Variants in HIVEP3 observed in about 807,000 individuals in gnomAD.
HIVEP3 encodes HIVEP zinc finger 3.
HIVEP3 carries 49 observed loss-of-function variants against 152.8 expected under a neutral mutation model. The observed-to-expected ratio is 0.32, with a 90% CI of 0.26 to 0.41. The LOEUF (loss-of-function observed/expected upper bound fraction) is 0.41, where lower values mean the gene tolerates loss of function less well. Among genes scored for constraint, HIVEP3 ranks in the 10% least tolerant of loss-of-function variants. The pLI, the probability that HIVEP3 is intolerant of heterozygous loss-of-function variation, is 1.00. For synonymous variants in HIVEP3, 1,269 were observed against 1,289.0 expected (o/e 0.98, Z 0.33); for missense variants, 2,790 against 3,103.3 (o/e 0.90, Z 2.40).
intron 5 of HIVEP3, among the ~76,000 whole-genome samples, chr1:41,530,429 T>C (rs1643211657): frequency 6.6e-6 from 1 of 152,222 alleles, no homozygotes; most frequent in African/African-American, 2.4e-5. Flanking sequence ...TGGATCTTAA[T>C]TCCCATGTCC....
chr1:41,526,685 A>T (rs565868994), intron 5 of HIVEP3, among the ~76,000 whole-genome samples: 2 of 24,034 alleles, frequency 8.3e-5, no homozygotes, highest in South Asian at 1.4e-3. Context: ...TCGCACCCCC[A>T]CACTCACCCT....
intron 5 of HIVEP3, among the ~76,000 whole-genome samples, chr1:41,550,763 A>G (rs2149080964): frequency 6.6e-6 from 1 of 152,356 alleles, no homozygotes; most frequent in African/African-American, 2.4e-5. Context: ...TATCAGCTTA[A>G]GGAGATTTTG....
intron 2 of HIVEP3, among the ~76,000 whole-genome samples, chr1:41,634,413 G>A (rs190965805): frequency 5.7e-4 from 86 of 151,506 alleles, no homozygotes; most frequent in African/African-American, 2.0e-3. Flanking sequence ...AGAGGGGAAG[G>A]GAGAAACAAA....
chr1:42,027,666 C>T (rs1645589444), intron 1 of HIVEP3, among the ~76,000 whole-genome samples: 1 of 152,184 alleles, frequency 6.6e-6, no homozygotes, highest in South Asian at 2.1e-4. Flanking sequence ...CCGATAAAGA[C>T]ATACCCGAAA....
At position 41,654,505 on chromosome 1, in the gene HIVEP3, A is replaced by G. The variant is rs571908230; in HGVS notation, c.-720-25558T>C. ...TTTGGAATAGTTTTAGATTGACAGA[A>G]AAGTTGCAAAGATAGAACAGAGACC... On this transcript the variant is annotated intron_variant, in intron 2 of 8. Coordinates refer to ENST00000372583, the MANE Select transcript of HIVEP3 (RefSeq NM_024503.5). Among the ~76,000 whole-genome samples, 4 of 152,330 alleles carry G rather than the reference A, an allele frequency of 2.6e-5. No individual in the cohort carries two copies. The South Asian group carries it at 8.3e-4, about 32-fold the overall frequency.
Position 41,583,674 on chromosome 1 carries a change from A to G in HIVEP3, c.1124T>C (p.Ile375Thr). The stretch of plus-strand genomic sequence containing the variant: ...TGGGCTCAGAAACGCCTGCTCATCG[A>G]TCACCTTCTTCCTCTCGCTTAAGCG... Reference protein sequence around the residue: ...ALRLSERKKVIDEQAFLSPGS... With the variant: ...ALRLSERKKVTDEQAFLSPGS... The change falls in exon 4 of 9, where the codon ATC (isoleucine) becomes ACC (threonine). Residue 375 changes from isoleucine (I) to threonine (T), a missense_variant. Physicochemically the swap from Ile to Thr is moderately conservative, Grantham distance 89 (BLOSUM62 -1). Around this residue, in one of 9 missense-constraint regions of HIVEP3, gnomAD observed 134 missense variants for 242.5 expected, o/e 0.55. Coordinates refer to ENST00000372583, the MANE Select transcript of HIVEP3 (RefSeq NM_024503.5). This position sits in a 1 kb window ranked among gnomAD's most constrained non-coding sequence, Gnocchi z 6.9. The G allele has an allele frequency of 6.2e-7, 1 of 1,613,992 alleles. No individual in the cohort carries two copies. Among genetic ancestry groups the G allele is most frequent in the Non-Finnish European group, 8.5e-7 (1 of 1,179,978 alleles).
At chr1:41,948,410 T>C (rs1409259291) in intron 1 of HIVEP3, among the ~76,000 whole-genome samples, 1 of 152,048 alleles carries the variant, frequency 6.6e-6, no homozygotes, top group Non-Finnish European at 1.5e-5. Context: ...CTATCAAACA[T>C]CAGGAAGCCA....
intron 1 of HIVEP3, among the ~76,000 whole-genome samples, chr1:41,853,378 T>A (rs1219467238): frequency 6.6e-6 from 1 of 152,094 alleles, no homozygotes; most frequent in Non-Finnish European, 1.5e-5. Context: ...TTTACAATCA[T>A]GGTGAAAGGT....
chr1:41,554,883 C>A (rs1206079793), intron 5 of HIVEP3, among the ~76,000 whole-genome samples: 1 of 152,180 alleles, frequency 6.6e-6, no homozygotes, highest in East Asian at 1.9e-4. Flanking sequence ...CAGAGGGACA[C>A]CCGCCTGTAT....
At chr1:41,629,112 A>G (rs959573230) in intron 2 of HIVEP3, among the ~76,000 whole-genome samples, 165 bp from the exon 3 acceptor site, 5 of 152,096 alleles carry the variant, frequency 3.3e-5, no homozygotes, top group African/African-American at 1.2e-4. Flanking sequence ...TTTGCATCCA[A>G]CACTTAACTT....
At chr1:41,981,812 A>G (rs1645295662) in intron 1 of HIVEP3, among the ~76,000 whole-genome samples, 1 of 152,200 alleles carries the variant, frequency 6.6e-6, no homozygotes. Flanking sequence ...GGAAAATGTG[A>G]AAGACAATAT....
intron 1 of HIVEP3, among the ~76,000 whole-genome samples, chr1:41,990,646 C>T (rs1401155258): frequency 6.0e-5 from 9 of 150,988 alleles, no homozygotes; most frequent in Admixed American, 3.3e-4. Flanking sequence ...CTGCACCAAG[C>T]GGACCTAATA....
At chr1:41,693,501 G>T (rs1193143220) in intron 2 of HIVEP3, among the ~76,000 whole-genome samples, 2 of 152,082 alleles carry the variant, frequency 1.3e-5, no homozygotes, top group African/African-American at 4.8e-5. Context: ...TTTTCCGCTG[G>T]CAATTTGTCT....
intron 1 of HIVEP3, among the ~76,000 whole-genome samples, chr1:41,838,331 AACC>A (rs1643187814): frequency 6.6e-6 from 1 of 152,024 alleles, no homozygotes; most frequent in African/African-American, 2.4e-5. Context: ...GTGCTTTTAT[AACC>A]ACTCCCATCC....
At chr1:41,729,478 G>T (rs1392559147) in intron 1 of HIVEP3, among the ~76,000 whole-genome samples, 6 of 152,212 alleles carry the variant, frequency 3.9e-5, no homozygotes, top group African/African-American at 1.4e-4. Flanking sequence ...GTTTCCCAGG[G>T]TTCCCAAACT....
intron 1 of HIVEP3, among the ~76,000 whole-genome samples, chr1:41,713,157 A>G (rs1646540447): frequency 6.6e-6 from 1 of 152,194 alleles, no homozygotes; most frequent in South Asian, 2.1e-4. Context: ...CAGGCTTGGT[A>G]GGCACGGACA....
intron 1 of HIVEP3, among the ~76,000 whole-genome samples, chr1:41,811,194 T>C (rs912219776): frequency 2.0e-5 from 3 of 151,556 alleles, no homozygotes; most frequent in African/African-American, 7.3e-5. Flanking sequence ...GTCTCCTGGG[T>C]GTGACCCAGG....
chr1:41,579,600 C>T (rs767037150), intron 4 of HIVEP3, 137 bp downstream of exon 4: 5 of 958,568 alleles, frequency 5.2e-6, no homozygotes, highest in Non-Finnish European at 7.6e-6. Context: ...GGTGACCAGT[C>T]TCAGCTTTCA....
At chr1:41,575,817 C>A (rs1175467297) in intron 4 of HIVEP3, 128 bp from the exon 5 acceptor site, 15 of 993,742 alleles carry the variant, frequency 1.5e-5, no homozygotes, top group Non-Finnish European at 2.1e-5. Context: ...CACACTCCCC[C>A]ATGAAGAGGT....
Sources: allele counts gnomAD v4.1 joint callset (sites outside exome capture counted in the v4.1 genomes callset), GRCh38; gene constraint gnomAD v4.1.1; regional missense constraint gnomAD v4.1.1; non-coding constraint Gnocchi (gnomAD v3.1); transcripts MANE v1.5; gene names NCBI Gene and HGNC (gene_info 2026-07-23, HGNC 2026-07-21).